Variants in RHOBTB1 observed in about 807,000 individuals in gnomAD.
RHOBTB1 encodes rho-related BTB domain-containing protein 1.
RHOBTB1 carries 40 observed loss-of-function variants against 71.6 expected under a neutral mutation model. The ratio of observed to expected loss-of-function variants is 0.56; its 90% CI spans 0.43 to 0.73. The LOEUF is 0.73. Ranked by LOEUF, RHOBTB1 falls within the 30% of genes least tolerant of loss-of-function variation. RHOBTB1 has a pLI of 0.00. For missense variants in RHOBTB1, 797 were observed against 894.0 expected (o/e 0.89, Z 1.38); for synonymous variants, 319 against 334.9 (o/e 0.95, Z 0.52).
chr10:60,962,439 T>C (rs2085814953), intron 2 of RHOBTB1, among the ~76,000 whole-genome samples: 1 of 152,226 alleles, frequency 6.6e-6, no homozygotes, highest in South Asian at 2.1e-4. Context: ...TTGTCTCAAA[T>C]TGCAAATGCA....
chr10:60,911,332 G>C lies in RHOBTB1; in HGVS notation c.192+19C>G. 6.3e-7 allele frequency: 1 copy of C among 1,596,372 alleles called. No homozygotes were observed. On this transcript the variant is annotated intron_variant, in intron 3 of 10. Coordinates refer to ENST00000337910, the MANE Select transcript of RHOBTB1 (RefSeq NM_014836.5). ...AATGATGTGCCCTAGGGATGCTGAA[G>C]ACACTCTGTGCATCTTACCTCCTGG... is the stretch of plus-strand genomic sequence containing the variant.
chr10:60,876,500 G>C (rs72811889), intron 8 of RHOBTB1, among the ~76,000 whole-genome samples: 2 of 152,080 alleles, frequency 1.3e-5, no homozygotes, highest in Admixed American at 6.5e-5. Flanking sequence ...CACAAACCTT[G>C]TTGGGCAGAT....
Position 60,895,338 on chromosome 10 carries a change from A to T in RHOBTB1, c.297-2343T>A, listed in dbSNP as rs914113087. ...AGGTCTTCTTTTTTTTCATATTCACATTTAGGTGCTATGAGAATCTGTGCT... is the reference window on the plus strand; with the variant it reads ...AGGTCTTCTTTTTTTTCATATTCACTTTTAGGTGCTATGAGAATCTGTGCT... On this transcript the variant is annotated intron_variant, in intron 4 of 10. Coordinates refer to ENST00000337910, the MANE Select transcript of RHOBTB1 (RefSeq NM_014836.5). 3.3e-5 allele frequency among the ~76,000 whole-genome samples: 5 copies of T among 152,194 alleles called. No individual in the cohort carries two copies. In the East Asian group the frequency reaches 7.7e-4, roughly 23 times the overall value.
intron 2 of RHOBTB1, among the ~76,000 whole-genome samples, chr10:60,914,010 C>A (rs1310677119): frequency 6.6e-6 from 1 of 152,044 alleles, no homozygotes; most frequent in Non-Finnish European, 1.5e-5. Flanking sequence ...CAGATGACAA[C>A]AAAATTGAGT....
intron 2 of RHOBTB1, among the ~76,000 whole-genome samples, chr10:60,956,867 G>A (rs1202201724): frequency 6.6e-6 from 1 of 152,118 alleles, no homozygotes; most frequent in Non-Finnish European, 1.5e-5. Context: ...GGTCTACAAT[G>A]TGTCAGTTAC....
intron 2 of RHOBTB1, among the ~76,000 whole-genome samples, chr10:60,912,009 C>T (rs905595608): frequency 2.7e-4 from 41 of 152,168 alleles, no homozygotes; most frequent in African/African-American, 8.7e-4. Flanking sequence ...GCTCATTAGC[C>T]AATATCTGTT....
chr10:60,992,894 T>A (rs905716299), intron 1 of RHOBTB1, among the ~76,000 whole-genome samples: 2 of 152,120 alleles, frequency 1.3e-5, no homozygotes, highest in African/African-American at 4.8e-5. Flanking sequence ...CAAATCCACA[T>A]AATGTTCTAA....
upstream of RHOBTB1, chr10:60,944,321 C>T (rs2085116225): frequency 6.6e-6 from 1 of 152,250 alleles, no homozygotes; most frequent in African/African-American, 2.4e-5. Flanking sequence ...CCGCCGCTCG[C>T]ACTGTGACGT....
intron 2 of RHOBTB1, among the ~76,000 whole-genome samples, chr10:60,984,433 C>T (rs2134850681): frequency 6.6e-6 from 1 of 152,214 alleles, no homozygotes; most frequent in South Asian, 2.1e-4. Context: ...AGACTACAGC[C>T]TTAATGAGAG....
At chr10:61,001,244 GGT>G (rs1554863972) in intron 1 of RHOBTB1, among the ~76,000 whole-genome samples, 1 of 152,104 alleles carries the variant, frequency 6.6e-6, no homozygotes, top group Non-Finnish European at 1.5e-5. Context: ...TCCTTTCAAG[GGT>G]GCAAAGGGAT....
At chr10:60,929,712 C>T (rs979240700) in intron 2 of RHOBTB1, among the ~76,000 whole-genome samples, 2 of 151,926 alleles carry the variant, frequency 1.3e-5, no homozygotes, top group African/African-American at 2.4e-5. Flanking sequence ...GACCAAAAAG[C>T]ATATAATAAA....
At chr10:60,948,286 T>G (rs951783438), upstream of RHOBTB1, among the ~76,000 whole-genome samples, 1 of 152,260 alleles carries the variant, frequency 6.6e-6, no homozygotes, top group African/African-American at 2.4e-5. Context: ...TCAAATATAT[T>G]GTTCAACATT....
intron 7 of RHOBTB1, among the ~76,000 whole-genome samples, chr10:60,879,001 C>G (rs1198884701): frequency 2.6e-5 from 4 of 152,234 alleles, no homozygotes; most frequent in Admixed American, 1.3e-4. Context: ...ATGCACCAGG[C>G]ACTGCACTAA....
chr10:60,900,440 A>C (rs1456771675), intron 4 of RHOBTB1, among the ~76,000 whole-genome samples: 1 of 152,146 alleles, frequency 6.6e-6, no homozygotes, highest in African/African-American at 2.4e-5. Context: ...TTCGTGAGCT[A>C]TTTATTTCTG....
chr10:60,879,483 C>T (rs1229695073), intron 7 of RHOBTB1, among the ~76,000 whole-genome samples: 1 of 151,948 alleles, frequency 6.6e-6, no homozygotes, highest in Non-Finnish European at 1.5e-5. Flanking sequence ...ACAGGCAGTG[C>T]CACCACGCCC....
chr10:60,938,840 G>C (rs1324418669), intron 2 of RHOBTB1, among the ~76,000 whole-genome samples: 1 of 151,800 alleles, frequency 6.6e-6, no homozygotes, highest in Non-Finnish European at 1.5e-5. Context: ...TCCATTTCTT[G>C]CCTCTGTAAA....
At chr10:60,939,615 T>C (rs1041279735) in intron 2 of RHOBTB1, among the ~76,000 whole-genome samples, 13 of 152,100 alleles carry the variant, frequency 8.5e-5, no homozygotes, top group African/African-American at 2.9e-4. Context: ...GTGGGAAGCC[T>C]GGCAGAGAAG....
Position 60,911,621 on chromosome 10 carries a change from G to A in RHOBTB1, c.-10-69C>T. ...TCCAGAGCAATCAAAGACGTAAGAG[G>A]TTCAGGGAGTTTTGCCTTCGTCCAG... On this transcript the variant is annotated intron_variant, in intron 2 of 10. Coordinates refer to ENST00000337910, the MANE Select transcript of RHOBTB1 (RefSeq NM_014836.5). 4 of 1,317,356 alleles carry A rather than the reference G, an allele frequency of 3.0e-6. No homozygotes were observed. In the Admixed American group the frequency reaches 5.2e-5, roughly 17 times the overall value. The allele number at this position is 1,317,356 out of a possible 1,614,324, so 81.6% of individuals were successfully genotyped here.
At chr10:60,934,718 T>C (rs572328709) in intron 2 of RHOBTB1, among the ~76,000 whole-genome samples, 1 of 152,332 alleles carries the variant, frequency 6.6e-6, no homozygotes, top group South Asian at 2.1e-4. Context: ...ATGTCCACTG[T>C]GTCTATTATT....
Sources: allele counts gnomAD v4.1 joint callset (sites outside exome capture counted in the v4.1 genomes callset), GRCh38; gene constraint gnomAD v4.1.1; transcripts MANE v1.5; gene names NCBI Gene and HGNC (gene_info 2026-07-23, HGNC 2026-07-21).